The following KANK4 variants were observed in gnomAD, a reference collection of about 807,000 sequenced individuals.
KANK4 encodes the protein KN motif and ankyrin repeat domains 4.
A neutral mutation model predicts 80.8 loss-of-function variants in KANK4; 50 were observed. That is an observed-to-expected ratio of 0.62 (90% CI 0.49 to 0.78). The LOEUF (loss-of-function observed/expected upper bound fraction) is 0.78. Ranked by LOEUF, KANK4 falls within the 30% of genes least tolerant of loss-of-function variation. The pLI, the probability that KANK4 is intolerant of heterozygous loss-of-function variation, is 0.00. For missense variants in KANK4, 1,196 were observed against 1,240.1 expected (o/e 0.96, Z 0.53); for synonymous variants, 465 against 506.9 (o/e 0.92, Z 1.11).
At chr1:62,245,600 A>C (rs1440168442) in intron 9 of KANK4, among the ~76,000 whole-genome samples, 3 of 152,308 alleles carry the variant, frequency 2.0e-5, no homozygotes, top group African/African-American at 7.2e-5. Flanking sequence ...AAGGAGTCAG[A>C]CCTGGGCTTG....
chr1:62,306,774 A>G (rs1644455140), intron 1 of KANK4, among the ~76,000 whole-genome samples: 1 of 152,124 alleles, frequency 6.6e-6, no homozygotes, highest in East Asian at 1.9e-4. Flanking sequence ...CACCCCCTCC[A>G]ACATACACAT....
At chr1:62,271,834 C>T (rs545564044) in intron 3 of KANK4, 14 of 418,670 alleles carry the variant, frequency 3.3e-5, no homozygotes, top group African/African-American at 1.6e-4. Context: ...AACCATGTGG[C>T]GTAGGTGCCA....
chr1:62,273,775 T>A lies in KANK4; in HGVS notation c.1329A>T (p.Glu443Asp). 2.5e-6 allele frequency: 4 copies of A among 1,614,054 alleles called. No homozygotes were observed. Among genetic ancestry groups the A allele is most frequent in the Non-Finnish European group, 3.4e-6 (4 of 1,179,994 alleles). ...EVNLLGSMES[E>D]SWGHRGEENG... ...TCTCCTCTCCTCGGTGCCCCCAGCTTTCAGACTCCATGCTGCCTAGAAGGT... is the reference window on the plus strand; with the variant it reads ...TCTCCTCTCCTCGGTGCCCCCAGCTATCAGACTCCATGCTGCCTAGAAGGT... The change falls in exon 3 of 10, where the codon GAA becomes GAT. Residue 443 changes from glutamate to aspartate, a missense_variant. Physicochemically the swap from Glu to Asp is conservative, Grantham distance 45. Around this residue, in one of 3 missense-constraint regions of KANK4, gnomAD observed 1,154 missense variants for 1,179.6 expected, o/e 0.98. Coordinates refer to ENST00000371153, the MANE Select transcript of KANK4 (RefSeq NM_181712.5).
intron 2 of KANK4, among the ~76,000 whole-genome samples, chr1:62,277,844 T>C (rs765098482): frequency 7.9e-5 from 12 of 152,304 alleles, no homozygotes; most frequent in Non-Finnish European, 1.2e-4. Flanking sequence ...TAAATTATTG[T>C]ATTAAGCCAC....
At chr1:62,299,208 C>T (rs969516217) in intron 1 of KANK4, among the ~76,000 whole-genome samples, 2 of 152,146 alleles carry the variant, frequency 1.3e-5, no homozygotes, top group African/African-American at 4.8e-5. Flanking sequence ...CAGGTGCATG[C>T]CATGATGCCT....
chr1:62,281,503 C>A (rs1672450094), intron 2 of KANK4, 46 bp downstream of exon 2: 4 of 1,613,150 alleles, frequency 2.5e-6, no homozygotes, highest in East Asian at 2.2e-5. Flanking sequence ...TCTTTCCCAG[C>A]CCAAGTGCTT....
chr1:62,289,225 C>T (rs1672631077), intron 1 of KANK4, among the ~76,000 whole-genome samples: 1 of 152,178 alleles, frequency 6.6e-6, no homozygotes, highest in African/African-American at 2.4e-5. Flanking sequence ...TGCATTCTCT[C>T]CCTTGGACAC....
intron 1 of KANK4, among the ~76,000 whole-genome samples, chr1:62,283,959 A>G (rs1173932375): frequency 2.6e-5 from 4 of 152,196 alleles, no homozygotes; most frequent in Admixed American, 2.6e-4. Context: ...GGATTTCAGT[A>G]AAATTAATCA....
intron 7 of KANK4, among the ~76,000 whole-genome samples, chr1:62,255,945 C>T (rs1189641673): frequency 6.6e-6 from 1 of 152,204 alleles, no homozygotes; most frequent in Non-Finnish European, 1.5e-5. Flanking sequence ...TCACTATGCC[C>T]AGCCTAATAT....
intron 9 of KANK4, among the ~76,000 whole-genome samples, chr1:62,244,841 C>A (rs1201883359): frequency 6.6e-6 from 1 of 152,190 alleles, no homozygotes; most frequent in Non-Finnish European, 1.5e-5. Flanking sequence ...CAGGCAGAAG[C>A]CACTGCACCT....
intron 1 of KANK4, among the ~76,000 whole-genome samples, chr1:62,291,242 T>C (rs959848382): frequency 6.6e-6 from 1 of 152,232 alleles, no homozygotes; most frequent in African/African-American, 2.4e-5. Context: ...TTTGGAGAAA[T>C]GTCCATTCAA....
chr1:62,309,983 G>A (rs17123440), intron 1 of KANK4, among the ~76,000 whole-genome samples: 25 of 152,200 alleles, frequency 1.6e-4, no homozygotes, highest in Non-Finnish European at 2.8e-4. Flanking sequence ...TCAGCAGTCG[G>A]CAAAGCCAAG....
Position 62,273,271 on chromosome 1 carries a change from C to T in KANK4, c.1833G>A (p.Leu611=). The T allele has an allele frequency of 6.4e-7, 1 of 1,564,076 alleles. No homozygotes were observed. The highest frequency in any genetic ancestry group is 1.4e-5 in the African/African-American group (1 of 73,324). ...SQLLSSLNLL[L]SAYSAQAHPP... is the part of the protein sequence containing the mutation. ...GGTGAGCCTGGGCCGAGTAGGCCGA[C>T]AGCAGCAGGTTGAGGGAGCTCAGCA... Residue 611 remains leucine (L), a synonymous_variant, in exon 3 of 10, where the codon CTG becomes CTA. Transcript: ENST00000371153.
At chr1:62,252,923 C>A in intron 8 of KANK4, 144 bp downstream of exon 8, 1 of 1,000,344 alleles carries the variant, frequency 1.0e-6, no homozygotes. Context: ...AATATTCAGG[C>A]TTTGCCTGAT....
chr1:62,251,611 T>A (rs554899793), intron 8 of KANK4, among the ~76,000 whole-genome samples: 1 of 152,244 alleles, frequency 6.6e-6, no homozygotes, highest in South Asian at 2.1e-4. Flanking sequence ...AGAAGATGAA[T>A]AGAGACATTC....
At position 62,237,457 on chromosome 1, in the gene KANK4, T is replaced by G. The variant is rs1671233325; in HGVS notation, c.*820A>C. ...CAGGAGGAAGCTTTTTTTTGTTTCT[T>G]CCACAGACTCAAAATAGCTGAGAGA... On this transcript the variant is annotated 3_prime_UTR_variant, in exon 10 of 10. Transcript: ENST00000371153. The G allele has an allele frequency of 6.6e-6, 1 of 152,198 alleles. No individual in the cohort carries two copies. The highest frequency in any genetic ancestry group is 2.4e-5 in the African/African-American group (1 of 41,446). 9.4% of individuals were successfully genotyped at this position (152,198 alleles called of 1,614,324 possible). A position where few individuals can be genotyped will look rare whatever the true frequency, so the allele number is the denominator to read the frequency against.
chr1:62,278,320 T>TCTTTCTTCCTTC (rs1420040026), intron 2 of KANK4, among the ~76,000 whole-genome samples: 9 of 60,510 alleles, frequency 1.5e-4, no homozygotes, highest in South Asian at 1.1e-3. Context: ...ACATTTTCTT[T>TCTTTCTTCCTTC]CTTCCTTCCT....
chr1:62,278,320 T>TCTTC lies in KANK4; in HGVS notation c.16+3225_16+3228dup, dbSNP rs1166178685. Reference sequence around the variant, plus strand: ...GGCATTTCCTGGGGCACATTTTCTTTCTTCCTTCCTTCCTTCCTTCCTTCC... The same window carrying TCTTC: ...GGCATTTCCTGGGGCACATTTTCTTTCTTCCTTCCTTCCTTCCTTCCTTCCTTCC... On this transcript the variant is annotated intron_variant, in intron 2 of 9. Coordinates refer to ENST00000371153, the MANE Select transcript of KANK4 (RefSeq NM_181712.5). 3.4e-3 allele frequency among the ~76,000 whole-genome samples: 208 copies of TCTTC among 60,488 alleles called. 18 individuals carry two copies. Among genetic ancestry groups the TCTTC allele is most frequent in the Non-Finnish European group, 5.2e-3 (152 of 29,010 alleles). The allele number at this position is 60,488 out of a possible 152,430, so 39.7% of individuals were successfully genotyped here. A position where few individuals can be genotyped will look rare whatever the true frequency, so the allele number is the denominator to read the frequency against.
intron 5 of KANK4, 148 bp from the exon 6 acceptor site, chr1:62,266,967 T>A (rs1672036788): frequency 1.7e-6 from 1 of 582,394 alleles, no homozygotes. Context: ...TTCAAAAATC[T>A]GGAGTGACCA....
Sources: gnomAD v4.1 joint callset for allele counts (sites outside exome capture counted in the v4.1 genomes callset) on GRCh38, gnomAD v4.1.1 for gene constraint, gnomAD v4.1.1 regional missense constraint, MANE v1.5 for transcripts, NCBI Gene and HGNC (gene_info 2026-07-23, HGNC 2026-07-21) for gene names.